Variants in DBX2 observed in about 807,000 individuals in gnomAD.
DBX2 encodes developing brain homeobox 2, also known as homeobox protein DBX2.
Under a neutral mutation model 17.7 loss-of-function variants are expected in DBX2, and 16 were observed. The observed-to-expected ratio is 0.90, with a 90% confidence interval of 0.61 to 1.37. The LOEUF is 1.37. Ranked by LOEUF, DBX2 falls within the 40% of genes most tolerant of loss-of-function variation. The pLI, the probability that DBX2 is intolerant of heterozygous loss-of-function variation, is 0.00. For synonymous variants in DBX2, 255 were observed against 183.8 expected (o/e 1.39, Z -3.13); for missense variants, 538 against 433.8 (o/e 1.24, Z -2.13).
intron 1 of DBX2, among the ~76,000 whole-genome samples, chr12:45,038,843 A>C (rs1049797088): frequency 3.9e-5 from 6 of 152,032 alleles, no homozygotes; most frequent in Admixed American, 1.3e-4. Context: ...AGTCTATTAT[A>C]TCTCTCTACA....
intron 3 of DBX2, 120 bp downstream of exon 3, chr12:45,023,587 C>G (rs1946364625): frequency 2.6e-6 from 3 of 1,148,992 alleles, no homozygotes; most frequent in Non-Finnish European, 3.7e-6. Context: ...TAAATGGATT[C>G]CATTGTGTGC....
chr12:45,042,734 G>A (rs1946478387), intron 1 of DBX2, among the ~76,000 whole-genome samples: 2 of 152,276 alleles, frequency 1.3e-5, no homozygotes, highest in Middle Eastern at 6.8e-3. Context: ...AATAAAGAAG[G>A]GCCAAAGGGA....
At chr12:45,022,310 T>TTG (rs5797925) in intron 3 of DBX2, among the ~76,000 whole-genome samples, 1,647 of 142,100 alleles carry the variant, frequency 0.012, 22 homozygotes, top group Middle Eastern at 0.031. Flanking sequence ...TTTTTTTTTT[T>TTG]TTTTTTTTTT....
chr12:45,026,590 C>G (rs1364680678), intron 2 of DBX2, among the ~76,000 whole-genome samples: 1 of 152,190 alleles, frequency 6.6e-6, no homozygotes, highest in African/African-American at 2.4e-5. Context: ...CTGGCATAAA[C>G]TGATTTGTAT....
chr12:45,027,112 A>G (rs1260246685), intron 2 of DBX2, among the ~76,000 whole-genome samples: 1 of 152,204 alleles, frequency 6.6e-6, no homozygotes, highest in East Asian at 1.9e-4. Context: ...CAGCCCTTAC[A>G]TGCATGACTT....
At chr12:45,040,930 A>G (rs1278351956) in intron 1 of DBX2, among the ~76,000 whole-genome samples, 3 of 152,030 alleles carry the variant, frequency 2.0e-5, no homozygotes, top group African/African-American at 7.2e-5. Flanking sequence ...CAAAGGAAGA[A>G]TACTAAAGAC....
Position 45,050,912 on chromosome 12 carries a change from C to G in DBX2, c.16G>C (p.Val6Leu). The G allele has an allele frequency of 6.6e-7, 1 of 1,505,330 alleles. No homozygotes were observed. The highest frequency in any genetic ancestry group is 8.9e-7 in the Non-Finnish European group (1 of 1,128,248). 93.2% of individuals were successfully genotyped at this position (1,505,330 alleles called of 1,614,324 possible). MLPSAVAAHAGAYWDV... is the reference protein window; with the variant it reads MLPSALAAHAGAYWDV... ...CAGTACGCACCGGCGTGGGCTGCGA[C>G]CGCGCTGGGGAGCATAGTGCGGCGC... Residue 6 changes from valine to leucine, a missense_variant, in exon 1 of 4, where the codon GTC (valine) becomes CTC (leucine). By Grantham distance (32) the Val-to-Leu change is conservative. Coordinates refer to ENST00000332700, the MANE Select transcript of DBX2 (RefSeq NM_001004329.3).
At position 45,023,815 on chromosome 12, in the gene DBX2, A is replaced by G. The variant is rs754292981; in HGVS notation, c.579T>C (p.Phe193=). The G allele has an allele frequency of 3.1e-6, 5 of 1,611,986 alleles. No homozygotes were observed. The Admixed American group carries it at 6.7e-5, about 22-fold the overall frequency. The change falls in exon 3 of 4, where the codon TTT becomes TTC. Residue 193 remains phenylalanine (F), a synonymous_variant. Coordinates refer to ENST00000332700, the MANE Select transcript of DBX2 (RefSeq NM_001004329.3). ...CCAGAGCCTTTCTCTGGTCCTCAGA[A>G]AAGACAGCTCTTCTTAAAATGCCCC... ...ARRGILRRAV[F]SEDQRKALEK...
At chr12:45,026,895 C>T (rs74080428) in intron 2 of DBX2, among the ~76,000 whole-genome samples, 6,122 of 152,136 alleles carry the variant, frequency 0.04, 424 homozygotes, top group East Asian at 0.24. Flanking sequence ...GGTTATTTCC[C>T]CTTTTACATC....
At chr12:45,040,372 C>G (rs1565585533) in intron 1 of DBX2, among the ~76,000 whole-genome samples, 1 of 152,042 alleles carries the variant, frequency 6.6e-6, no homozygotes, top group Non-Finnish European at 1.5e-5. Flanking sequence ...ATAAACTCCC[C>G]TTTATATATA....
At position 45,023,312 on chromosome 12, in the gene DBX2, G is replaced by A. The variant is rs187803153; in HGVS notation, c.687+395C>T. On this transcript the variant is annotated intron_variant, in intron 3 of 3. Transcript: ENST00000332700. ...GGAAGTGAAAAGAAAGATAGTAAAA[G>A]TGGTTCCTACTTTTTGAAGAATTAT... Among the ~76,000 whole-genome samples the A allele has an allele frequency of 7.9e-3, 1,210 of 152,300 alleles. 21 individuals carry two copies. The highest frequency in any genetic ancestry group is 0.027 in the African/African-American group (1,119 of 41,562).
intron 1 of DBX2, among the ~76,000 whole-genome samples, chr12:45,040,996 G>A (rs1946468046): frequency 6.7e-6 from 1 of 149,666 alleles, no homozygotes; most frequent in Non-Finnish European, 1.5e-5. Context: ...GAAGGATGAG[G>A]AGAAATGATA....
At chr12:45,021,578 T>C (rs2643147) in intron 3 of DBX2, among the ~76,000 whole-genome samples, 96,443 of 152,048 alleles carry the variant, frequency 0.63, 31,047 homozygotes, top group South Asian at 0.84. Flanking sequence ...TCCAAACTCC[T>C]AAACCTGCCT....
chr12:45,024,752 T>C (rs1946372609), intron 2 of DBX2, among the ~76,000 whole-genome samples: 1 of 152,208 alleles, frequency 6.6e-6, no homozygotes. Context: ...ATGTGTTGTA[T>C]TCCTAAGGAG....
At chr12:45,021,067 G>C (rs1033462630) in intron 3 of DBX2, among the ~76,000 whole-genome samples, 1 of 152,030 alleles carries the variant, frequency 6.6e-6, no homozygotes. Flanking sequence ...AATTACTTCT[G>C]AGATGCTGTA....
At chr12:45,034,940 C>T (rs1027857725) in intron 2 of DBX2, among the ~76,000 whole-genome samples, 3 of 152,154 alleles carry the variant, frequency 2.0e-5, no homozygotes, top group Admixed American at 1.3e-4. Context: ...GTGGATGAGT[C>T]GAGTGAAAGT....
intron 1 of DBX2, among the ~76,000 whole-genome samples, chr12:45,041,477 T>C (rs1495043): frequency 0.012 from 1,855 of 152,312 alleles, 45 homozygotes; most frequent in African/African-American, 0.042. Context: ...TATTTTAATA[T>C]TTAGTCCACC....
chr12:45,047,567 T>C (rs976145277), intron 1 of DBX2, among the ~76,000 whole-genome samples: 2 of 152,286 alleles, frequency 1.3e-5, no homozygotes, highest in African/African-American at 2.4e-5. Flanking sequence ...CTTTCATCCA[T>C]GACCTGTAAA....
At chr12:45,039,288 T>TAC (rs1424236522) in intron 1 of DBX2, among the ~76,000 whole-genome samples, 1 of 51,502 alleles carries the variant, frequency 1.9e-5, no homozygotes, top group Non-Finnish European at 3.8e-5. Flanking sequence ...TATATATATA[T>TAC]ATATATATAT....
Sources: allele counts gnomAD v4.1 joint callset (sites outside exome capture counted in the v4.1 genomes callset), GRCh38; gene constraint gnomAD v4.1.1; transcripts MANE v1.5; gene names NCBI Gene and HGNC (gene_info 2026-07-23, HGNC 2026-07-21).